Variants in LPP observed in about 807,000 individuals in gnomAD.
LPP encodes LIM domain containing preferred translocation partner in lipoma, also known as lipoma-preferred partner.
Under a neutral mutation model 60.4 loss-of-function variants are expected in LPP, and 38 were observed. The observed-to-expected ratio is 0.63, with a 90% CI of 0.49 to 0.83. LPP has a LOEUF of 0.83. LPP is among the 40% of genes least tolerant of loss of function. LPP has a pLI of 0.00. For missense variants in LPP, 902 were observed against 783.6 expected, an observed-to-expected ratio of 1.15 and a Z score of -1.80; for synonymous variants, 328 against 290.8, an observed-to-expected ratio of 1.13 and a Z score of -1.30.
Position 188,889,561 on chromosome 3 carries a change from G to A in LPP, c.*15082G>A, listed in dbSNP as rs908928127. 2.6e-5 allele frequency: 6 copies of A among 228,580 alleles called. No homozygotes were observed. The highest frequency in any genetic ancestry group is 4.3e-5 in the Non-Finnish European group (5 of 115,174). The allele number at this position is 228,580 out of a possible 1,614,324, so 14.2% of individuals were successfully genotyped here. On this transcript the variant is annotated 3_prime_UTR_variant, in exon 12 of 12. Transcript: ENST00000617246. ...TAACCTTTATCCAAGGAAGCTCTTGGTGTCCTCTTGGTCATAAAGTTGTCT... is the reference window on the plus strand; with the variant it reads ...TAACCTTTATCCAAGGAAGCTCTTGATGTCCTCTTGGTCATAAAGTTGTCT...
At chr3:188,709,222 A>T (rs1346723472) in intron 8 of LPP, 2 of 152,212 alleles carry the variant, frequency 1.3e-5, no homozygotes, top group Non-Finnish European at 2.9e-5. Flanking sequence ...TGGACGCATA[A>T]CCTGTCCTCA....
intron 7 of LPP, among the ~76,000 whole-genome samples, chr3:188,641,402 G>T (rs934862056): frequency 2.0e-5 from 3 of 152,148 alleles, no homozygotes; most frequent in African/African-American, 7.2e-5. Flanking sequence ...GGGTTAGTGG[G>T]GAGGATTATA....
chr3:188,567,264 C>T (rs1832395004), intron 6 of LPP, among the ~76,000 whole-genome samples: 1 of 151,904 alleles, frequency 6.6e-6, no homozygotes, highest in Admixed American at 6.6e-5. Flanking sequence ...TCCTTAACCT[C>T]TCTGCGCCTC....
intron 9 of LPP, among the ~76,000 whole-genome samples, chr3:188,808,799 A>G (rs752689109): frequency 1.3e-5 from 2 of 152,048 alleles, no homozygotes; most frequent in Admixed American, 6.6e-5. Flanking sequence ...CCCCACATAC[A>G]TTAGCTATTT....
At chr3:188,843,529 T>C (rs1388094244) in intron 9 of LPP, among the ~76,000 whole-genome samples, 1 of 152,044 alleles carries the variant, frequency 6.6e-6, no homozygotes, top group Non-Finnish European at 1.5e-5. Flanking sequence ...GGCTCACGCC[T>C]GTAATCCCAG....
chr3:188,700,784 C>G, intron 7 of LPP, among the ~76,000 whole-genome samples: 1 of 152,166 alleles, frequency 6.6e-6, no homozygotes, highest in East Asian at 1.9e-4. Flanking sequence ...GAGGTTTCCA[C>G]TTACTCAGTG....
At chr3:188,560,711 T>TA (rs1346628141) in intron 6 of LPP, among the ~76,000 whole-genome samples, 1 of 152,132 alleles carries the variant, frequency 6.6e-6, no homozygotes. Flanking sequence ...ATTCAAAGTC[T>TA]ATGTGTTCTT....
At chr3:188,437,264 G>T (rs545317956) in intron 4 of LPP, among the ~76,000 whole-genome samples, 19 of 152,170 alleles carry the variant, frequency 1.2e-4, no homozygotes, top group African/African-American at 4.6e-4. Context: ...TAGAGCTTCC[G>T]TTCCAAAGTA....
At chr3:188,764,810 T>A (rs1377125298) in intron 9 of LPP, among the ~76,000 whole-genome samples, 2 of 152,190 alleles carry the variant, frequency 1.3e-5, no homozygotes, top group African/African-American at 2.4e-5. Context: ...GTGCTTTTAT[T>A]CCCAGTGGAT....
At chr3:188,786,322 G>T (rs1413559427) in intron 9 of LPP, among the ~76,000 whole-genome samples, 1 of 143,586 alleles carries the variant, frequency 7.0e-6, no homozygotes, top group Non-Finnish European at 1.5e-5. Context: ...GGCAGAGGTT[G>T]CAGTGAGCCA....
At chr3:188,195,439 C>T (rs926508401) in intron 1 of LPP, among the ~76,000 whole-genome samples, 6 of 152,052 alleles carry the variant, frequency 3.9e-5, no homozygotes, top group Admixed American at 6.5e-5. Context: ...AGAACGAAGC[C>T]GTAGAGAGTT....
At chr3:188,694,421 G>A (rs187911410) in intron 7 of LPP, among the ~76,000 whole-genome samples, 1 of 152,078 alleles carries the variant, frequency 6.6e-6, no homozygotes, top group Non-Finnish European at 1.5e-5. Context: ...TGACCATGTC[G>A]GCCGGGCATG....
intron 7 of LPP, among the ~76,000 whole-genome samples, chr3:188,638,967 T>C (rs1035850699): frequency 6.6e-6 from 1 of 151,950 alleles, no homozygotes; most frequent in Admixed American, 6.6e-5. Flanking sequence ...TTCAATGCCA[T>C]CCCCATCAAG....
intron 6 of LPP, among the ~76,000 whole-genome samples, chr3:188,581,475 T>C (rs1836094954): frequency 6.6e-6 from 1 of 152,168 alleles, no homozygotes; most frequent in Non-Finnish European, 1.5e-5. Flanking sequence ...TATATTCTGC[T>C]TGAAGGTTAG....
chr3:188,232,504 A>T (rs1161929355), intron 2 of LPP, among the ~76,000 whole-genome samples: 108 of 103,128 alleles, frequency 1.0e-3, no homozygotes, highest in East Asian at 1.9e-3. Flanking sequence ...ACACCCGGCT[A>T]TTTTTTTTTT....
chr3:188,806,976 TA>T (rs1749343007), intron 9 of LPP, among the ~76,000 whole-genome samples: 1 of 151,942 alleles, frequency 6.6e-6, no homozygotes, highest in South Asian at 2.1e-4. Context: ...TTCAGCACTT[TA>T]TTTTTTTGTA....
At chr3:188,704,984 C>A (rs1342597805) in intron 7 of LPP, among the ~76,000 whole-genome samples, 2 of 152,248 alleles carry the variant, frequency 1.3e-5, no homozygotes, top group Non-Finnish European at 2.9e-5. Flanking sequence ...CACCAAACTA[C>A]GTCTCAACTT....
intron 8 of LPP, among the ~76,000 whole-genome samples, chr3:188,735,568 G>C (rs1340927955): frequency 6.6e-6 from 1 of 151,872 alleles, no homozygotes; most frequent in African/African-American, 2.4e-5. Flanking sequence ...ATTTTTATTA[G>C]AGATGGGGTT....
intron 9 of LPP, among the ~76,000 whole-genome samples, chr3:188,761,677 A>G (rs1384830959): frequency 2.0e-5 from 3 of 152,222 alleles, no homozygotes; most frequent in Non-Finnish European, 4.4e-5. Flanking sequence ...TGCAGATGCT[A>G]CATGGTTTTC....
Sources: gnomAD v4.1 joint callset for allele counts (sites outside exome capture counted in the v4.1 genomes callset) on GRCh38, gnomAD v4.1.1 for gene constraint, MANE v1.5 for transcripts, NCBI Gene and HGNC (gene_info 2026-07-23, HGNC 2026-07-21) for gene names.